RNF180: variants seen among roughly 807,000 people sequenced by gnomAD.
RNF180 encodes ring finger protein 180.
In RNF180, 38 loss-of-function variants were observed where a neutral mutation model predicts 59.2. The ratio of observed to expected loss-of-function variants is 0.64; its 90% CI spans 0.50 to 0.84. The LOEUF is 0.84. Ranked by LOEUF, RNF180 falls within the 40% of genes least tolerant of loss-of-function variation. RNF180 has a pLI of 0.00. For missense variants in RNF180, 705 were observed against 700.9 expected, an observed-to-expected ratio of 1.01 and a Z score of -0.07; for synonymous variants, 262 against 240.3, an observed-to-expected ratio of 1.09 and a Z score of -0.84.
At position 64,358,730 on chromosome 5, in the gene RNF180, C is replaced by T. The variant is rs1035610618; in HGVS notation, c.1580-10885C>T. ...TATGTATACATGTGCCATGCTGGTG[C>T]GCTGCATCCACTAACTCGTCATCTA... On this transcript the variant is annotated intron_variant, in intron 7 of 7. Transcript: ENST00000389100. Among the ~76,000 whole-genome samples, 14 of 151,306 alleles carry T rather than the reference C, an allele frequency of 9.3e-5. No homozygotes were observed. The South Asian group carries it at 1.0e-3, about 11-fold the overall frequency.
At chr5:64,275,523 A>G (rs1262360187) in intron 5 of RNF180, among the ~76,000 whole-genome samples, 1 of 151,710 alleles carries the variant, frequency 6.6e-6, no homozygotes, top group East Asian at 2.0e-4. Context: ...TTTAGAAAAT[A>G]TACTTTTTAT....
At chr5:64,178,401 G>A (rs1189864888) in intron 1 of RNF180, among the ~76,000 whole-genome samples, 2 of 152,120 alleles carry the variant, frequency 1.3e-5, no homozygotes, top group African/African-American at 4.8e-5. Context: ...CAGTCCAAAA[G>A]TCAGCCTCCT....
rs1333417204 is a variant in RNF180, at chr5:64,200,844, A to G, written c.37A>G (p.Ser13Gly). The G allele has an allele frequency of 1.2e-6, 2 of 1,611,962 alleles. No homozygotes were observed. Among genetic ancestry groups the G allele is most frequent in the Middle Eastern group, 1.6e-4 (1 of 6,072 alleles). ...RSKELITKNH[S>G]QEETSILRCW... is the part of the protein sequence containing the mutation. Reference sequence around the variant, plus strand: ...CAAAGAATTGATAACTAAAAATCATAGTCAAGAGGAAACAAGTATTCTTCG... The same window carrying G: ...CAAAGAATTGATAACTAAAAATCATGGTCAAGAGGAAACAAGTATTCTTCG... Residue 13 changes from serine to glycine, a missense_variant, in exon 2 of 8, where the codon AGT (serine) becomes GGT (glycine). Ser to Gly is a moderately conservative substitution (Grantham distance 56). Coordinates refer to ENST00000389100, the MANE Select transcript of RNF180 (RefSeq NM_001113561.2).
At chr5:64,342,499 A>T (rs1314219189) in intron 7 of RNF180, among the ~76,000 whole-genome samples, 1 of 152,138 alleles carries the variant, frequency 6.6e-6, no homozygotes, top group Non-Finnish European at 1.5e-5. Context: ...CTTTGGGAGT[A>T]AAAAAGGCTT....
At position 64,181,802 on chromosome 5, in the gene RNF180, A is replaced by G. The variant is rs140972362; in HGVS notation, c.-1+15849A>G. Among the ~76,000 whole-genome samples the G allele has an allele frequency of 3.5e-4, 54 of 152,318 alleles. No homozygotes were observed. In the East Asian group the frequency reaches 0.01, roughly 28 times the overall value. On this transcript the variant is annotated intron_variant, in intron 1 of 7. Transcript: ENST00000389100. ...ATTTATTATTGAAAATAATTGTAAT[A>G]AAACATTAATTTCAGTAATTGATAG...
intron 5 of RNF180, among the ~76,000 whole-genome samples, chr5:64,250,148 C>T (rs1311456912): frequency 6.6e-6 from 1 of 151,972 alleles, no homozygotes; most frequent in Non-Finnish European, 1.5e-5. Context: ...AACCAGAAAC[C>T]AATAATATGC....
At chr5:64,262,416 C>T (rs991929041) in intron 5 of RNF180, among the ~76,000 whole-genome samples, 1 of 152,000 alleles carries the variant, frequency 6.6e-6, no homozygotes, top group South Asian at 2.1e-4. Context: ...TTGCTCATTT[C>T]GTATTTCAAA....
At chr5:64,321,477 TC>T (rs1437390186) in intron 5 of RNF180, among the ~76,000 whole-genome samples, 1 of 152,110 alleles carries the variant, frequency 6.6e-6, no homozygotes, top group East Asian at 1.9e-4. Context: ...GTAAAGGACC[TC>T]TTCAAGGAGA....
At chr5:64,340,961 T>C (rs1215313291) in intron 7 of RNF180, among the ~76,000 whole-genome samples, 1 of 152,158 alleles carries the variant, frequency 6.6e-6, no homozygotes, top group East Asian at 1.9e-4. Context: ...TTACCTACTC[T>C]TTCCCTCTGA....
chr5:64,214,514 G>T lies in RNF180; in HGVS notation c.1188G>T (p.Lys396Asn). The T allele has an allele frequency of 1.9e-6, 3 of 1,610,764 alleles. No individual in the cohort carries two copies. Among genetic ancestry groups the T allele is most frequent in the Non-Finnish European group, 2.5e-6 (3 of 1,178,016 alleles). ...GAAGGCGTGAAAGATGGCTACAGAA[G>T]CAGGTAATATTTTTCAAAAGAGTTT... ...KQRRRERWLQ[K>N]QGKYSGVGLL... Residue 396 changes from lysine (K) to asparagine (N), a missense_variant, in exon 4 of 8, where the codon AAG becomes AAT. Physicochemically the swap from Lys to Asn is moderately conservative, Grantham distance 94. Transcript: ENST00000389100.
At chr5:64,316,420 C>G (rs930253545) in intron 5 of RNF180, among the ~76,000 whole-genome samples, 1 of 152,136 alleles carries the variant, frequency 6.6e-6, no homozygotes. Flanking sequence ...TGAGATGTCC[C>G]TTTCTGGAAA....
chr5:64,205,520 TTTAG>T (rs752170497), intron 2 of RNF180, among the ~76,000 whole-genome samples: 3 of 152,104 alleles, frequency 2.0e-5, no homozygotes, highest in African/African-American at 7.2e-5. Context: ...CGTCCTTAGT[TTTAG>T]TTAGTTTTGT....
At chr5:64,297,378 T>C (rs938950583) in intron 5 of RNF180, among the ~76,000 whole-genome samples, 1 of 152,080 alleles carries the variant, frequency 6.6e-6, no homozygotes, top group African/African-American at 2.4e-5. Context: ...CCGATTATTT[T>C]ATAGTAGTTG....
chr5:64,360,739 A>G (rs562416670), intron 7 of RNF180, among the ~76,000 whole-genome samples: 2 of 151,810 alleles, frequency 1.3e-5, no homozygotes, highest in Admixed American at 6.6e-5. Flanking sequence ...ACTGTCATAG[A>G]TGGTGGCAGA....
chr5:64,343,900 G>C (rs1235669990), intron 7 of RNF180, among the ~76,000 whole-genome samples: 1 of 151,360 alleles, frequency 6.6e-6, no homozygotes, highest in African/African-American at 2.4e-5. Context: ...ACTTTAGCAA[G>C]GAAGGTCTAC....
intron 5 of RNF180, among the ~76,000 whole-genome samples, chr5:64,317,575 TAC>T (rs1272440928): frequency 6.9e-6 from 1 of 144,602 alleles, no homozygotes; most frequent in African/African-American, 2.6e-5. Context: ...TACATATATA[TAC>T]ACATATATAT....
At chr5:64,211,290 C>T in intron 2 of RNF180, among the ~76,000 whole-genome samples, 1 of 151,988 alleles carries the variant, frequency 6.6e-6, no homozygotes, top group Admixed American at 6.6e-5. Context: ...GGATTTGGGG[C>T]AATAGGCAGC....
At position 64,369,782 on chromosome 5, in the gene RNF180, T is replaced by C; in HGVS notation, c.1747T>C (p.Cys583Arg). 1.3e-6 allele frequency: 2 copies of C among 1,522,816 alleles called. No homozygotes were observed. The highest frequency in any genetic ancestry group is 1.8e-6 in the Non-Finnish European group (2 of 1,136,306). 94.3% of individuals were successfully genotyped at this position (1,522,816 alleles called of 1,614,324 possible). ...CTGGGTCATTGGATTCATTGTTTTC[T>C]GCTTTCTTTGCTATTTTTTCTTTCC... ...VNWVIGFIVF[C>R]FLCYFFFPF The change falls in exon 8 of 8, where the codon TGC becomes CGC. Residue 583 changes from cysteine to arginine, a missense_variant. Coordinates refer to ENST00000389100, the MANE Select transcript of RNF180 (RefSeq NM_001113561.2).
chr5:64,185,614 T>G (rs1750829925), intron 1 of RNF180, among the ~76,000 whole-genome samples: 1 of 152,238 alleles, frequency 6.6e-6, no homozygotes, highest in Non-Finnish European at 1.5e-5. Flanking sequence ...ATGTGGTTTA[T>G]ACCTGATATG....
Sources: gnomAD v4.1 joint callset for allele counts (sites outside exome capture counted in the v4.1 genomes callset) on GRCh38, gnomAD v4.1.1 for gene constraint, MANE v1.5 for transcripts, NCBI Gene and HGNC (gene_info 2026-07-23, HGNC 2026-07-21) for gene names.